Variants in DENND2A observed in about 807,000 individuals in gnomAD.
The protein encoded by DENND2A is DENN domain-containing protein 2A.
A neutral mutation model predicts 105.3 loss-of-function variants in DENND2A; 53 were observed. That is an observed-to-expected ratio of 0.50 (90% CI 0.40 to 0.63). The LOEUF (loss-of-function observed/expected upper bound fraction) is 0.63, where lower values mean the gene tolerates loss of function less well. Among genes scored for constraint, DENND2A ranks in the 30% least tolerant of loss-of-function variants. The pLI is 0.00. For synonymous variants in DENND2A, 522 were observed against 508.4 expected, an observed-to-expected ratio of 1.03 and a Z score of -0.36; for missense variants, 1,138 against 1,279.6, an observed-to-expected ratio of 0.89 and a Z score of 1.69.
At chr7:140,587,564 G>C in intron 4 of DENND2A, 89 bp downstream of exon 4, 1 of 1,537,846 alleles carries the variant, frequency 6.5e-7, no homozygotes. Flanking sequence ...ACATGTGTGT[G>C]CACGTGTGTT....
chr7:140,619,349 C>T (rs2130717060), intron 1 of DENND2A, among the ~76,000 whole-genome samples: 1 of 152,160 alleles, frequency 6.6e-6, no homozygotes, highest in East Asian at 1.9e-4. Flanking sequence ...AGAAAGTAGG[C>T]TGGTGATTGC....
chr7:140,618,780 C>T (rs930446962), intron 1 of DENND2A, among the ~76,000 whole-genome samples: 45 of 151,688 alleles, frequency 3.0e-4, no homozygotes, highest in Admixed American at 2.8e-3. Context: ...TGTTTTTTTA[C>T]GGTTGTATGA....
intron 3 of DENND2A, among the ~76,000 whole-genome samples, chr7:140,590,297 G>A (rs1295870526): frequency 6.6e-6 from 1 of 152,138 alleles, no homozygotes; most frequent in East Asian, 1.9e-4. Flanking sequence ...GGCTGAGGCA[G>A]GAGAATCGCT....
chr7:140,560,510 G>A (rs1402493314), intron 9 of DENND2A, among the ~76,000 whole-genome samples: 3 of 152,168 alleles, frequency 2.0e-5, no homozygotes, highest in African/African-American at 7.2e-5. Context: ...ATCAAAGACT[G>A]GATGAATGTT....
chr7:140,569,574 C>T (rs1163295254), intron 7 of DENND2A, 71 bp downstream of exon 7: 14 of 1,096,958 alleles, frequency 1.3e-5, no homozygotes, highest in Non-Finnish European at 1.7e-5. Context: ...CCAGAAAAAA[C>T]AGGAAGCCAC....
At chr7:140,635,149 G>A (rs1056401788) in intron 1 of DENND2A, among the ~76,000 whole-genome samples, 8 of 151,982 alleles carry the variant, frequency 5.3e-5, no homozygotes, top group South Asian at 2.1e-4. Flanking sequence ...TATAGTCCCC[G>A]CTACTCAAGA....
chr7:140,600,205 T>G (rs1799431907), intron 3 of DENND2A, among the ~76,000 whole-genome samples: 1 of 151,740 alleles, frequency 6.6e-6, no homozygotes, highest in South Asian at 2.1e-4. Flanking sequence ...ACGTTAAGTA[T>G]AAATGATAAG....
intron 1 of DENND2A, among the ~76,000 whole-genome samples, chr7:140,612,405 T>C (rs1266814065): frequency 1.3e-5 from 2 of 152,122 alleles, no homozygotes; most frequent in African/African-American, 2.4e-5. Flanking sequence ...TAATTTCCAG[T>C]GCCCTTTACT....
intron 6 of DENND2A, 87 bp from the exon 7 acceptor site, chr7:140,569,825 C>T (rs587373): frequency 0.41 from 366,398 of 889,442 alleles, 78,581 homozygotes; most frequent in African/African-American, 0.57. Context: ...TCTCCTAGGA[C>T]GATGGAGGGC....
intron 14 of DENND2A, among the ~76,000 whole-genome samples, chr7:140,528,199 CA>C (rs564797261): frequency 1.8e-3 from 273 of 152,256 alleles, no homozygotes; most frequent in Non-Finnish European, 3.2e-3. Flanking sequence ...CCTACACAAA[CA>C]AAACAAAAAC....
At position 140,522,106 on chromosome 7, in the gene DENND2A, T is replaced by C. The variant is rs758108878; in HGVS notation, c.2666-6A>G. ...CAAGGGGCTGGACTCTGGACCTGAG[T>C]AAGGGGAGGAAAGGCCAGGAACGGT... On this transcript the variant is annotated splice_polypyrimidine_tract_variant and splice_region_variant and intron_variant, in intron 17 of 19. Transcript: ENST00000496613. 1 of 1,613,412 alleles carries C rather than the reference T, an allele frequency of 6.2e-7. No homozygotes were observed. Among genetic ancestry groups the C allele is most frequent in the Non-Finnish European group, 8.5e-7 (1 of 1,179,774 alleles).
Position 140,601,841 on chromosome 7 carries a change from T to A in DENND2A, c.557A>T (p.Tyr186Phe), listed in dbSNP as rs768813229. 1.9e-6 allele frequency: 3 copies of A among 1,613,886 alleles called. No individual in the cohort carries two copies. The African/African-American group carries it at 4.0e-5, about 22-fold the overall frequency. Residue 186 changes from tyrosine to phenylalanine, a missense_variant, in exon 3 of 20, where the codon TAC becomes TTC. Tyr to Phe is a conservative substitution (Grantham distance 22). Coordinates refer to ENST00000496613, the MANE Select transcript of DENND2A (RefSeq NM_015689.5). ...CTTGTCAGGAGGGCAGTGTGGGGAG[T>A]AACAAGTCCCTGGTAACTGGGGATC... ...GLDPQLPGTC[Y>F]SPHCPPDKAE...
At position 140,573,744 on chromosome 7, in the gene DENND2A, G is replaced by A. The variant is rs990457219; in HGVS notation, c.1446+64C>T. Reference sequence around the variant, plus strand: ...ATGTATTCTCCACCCAGACCCCTCTGCAGTCTTCTTTCACAGAGAAGGGGT... The same window carrying A: ...ATGTATTCTCCACCCAGACCCCTCTACAGTCTTCTTTCACAGAGAAGGGGT... On this transcript the variant is annotated intron_variant, in intron 6 of 19. Coordinates refer to ENST00000496613, the MANE Select transcript of DENND2A (RefSeq NM_015689.5). 15 of 1,543,504 alleles carry A rather than the reference G, an allele frequency of 9.7e-6. 1 individual carries two copies. In the Admixed American group the frequency reaches 2.6e-4, roughly 27 times the overall value.
At chr7:140,534,759 AAGAG>A (rs1485991157) in intron 14 of DENND2A, among the ~76,000 whole-genome samples, 2 of 152,206 alleles carry the variant, frequency 1.3e-5, no homozygotes, top group South Asian at 4.1e-4. Context: ...AAGACATAGA[AAGAG>A]AGTCCTCACT....
intron 1 of DENND2A, among the ~76,000 whole-genome samples, chr7:140,626,597 C>T (rs1189423793): frequency 1.3e-5 from 2 of 152,150 alleles, no homozygotes; most frequent in Admixed American, 6.5e-5. Flanking sequence ...CTGTGCTACC[C>T]GCAGAATCCT....
Position 140,575,968 on chromosome 7 carries a change from C to CAA in DENND2A, c.1246-1962_1246-1961dup, listed in dbSNP as rs34179994. Among the ~76,000 whole-genome samples the CAA allele has an allele frequency of 1.6e-3, 237 of 145,096 alleles. 1 individual carries two copies. The highest frequency in any genetic ancestry group is 4.9e-3 in the African/African-American group (193 of 39,066). On this transcript the variant is annotated intron_variant, in intron 5 of 19. Coordinates refer to ENST00000496613, the MANE Select transcript of DENND2A (RefSeq NM_015689.5). ...TAGGCAACAGAGCAAGACTCTATCT[C>CAA]AAAAAAAAATAAATAAATAAACAAA...
intron 1 of DENND2A, among the ~76,000 whole-genome samples, chr7:140,610,824 G>A (rs568961750): frequency 3.9e-5 from 6 of 152,260 alleles, no homozygotes; most frequent in African/African-American, 9.6e-5. Flanking sequence ...GGAGAGGAGC[G>A]GAGCCCTCAG....
intron 3 of DENND2A, among the ~76,000 whole-genome samples, chr7:140,591,956 T>TCCCCTCCCCTC (rs1456425120): frequency 4.7e-5 from 1 of 21,138 alleles, no homozygotes; most frequent in Non-Finnish European, 7.4e-5. Flanking sequence ...CCCTCCCTAC[T>TCCCCTCCCCTC]CCCCTCCCCT....
At chr7:140,565,749 A>G (rs1257602474) in intron 9 of DENND2A, among the ~76,000 whole-genome samples, 1 of 152,160 alleles carries the variant, frequency 6.6e-6, no homozygotes, top group Non-Finnish European at 1.5e-5. Flanking sequence ...GCATTCCCAG[A>G]TGGTTAAAGC....
Sources: gnomAD v4.1 joint callset for allele counts (sites outside exome capture counted in the v4.1 genomes callset) on GRCh38, gnomAD v4.1.1 for gene constraint, MANE v1.5 for transcripts, NCBI Gene and HGNC (gene_info 2026-07-23, HGNC 2026-07-21) for gene names.